Variants in FRA10AC1 observed in about 807,000 individuals in gnomAD.
FRA10AC1 encodes protein FRA10AC1.
Under a neutral mutation model 56.5 loss-of-function variants are expected in FRA10AC1, and 43 were observed. The ratio of observed to expected loss-of-function variants is 0.76; its 90% CI spans 0.60 to 0.98. FRA10AC1 has a LOEUF of 0.98. FRA10AC1 is among the 50% of genes least tolerant of loss of function. The pLI, the probability that FRA10AC1 is intolerant of heterozygous loss-of-function variation, is 0.00. For missense variants in FRA10AC1, 346 were observed against 351.8 expected, an observed-to-expected ratio of 0.98 and a Z score of 0.13; for synonymous variants, 112 against 110.5, an observed-to-expected ratio of 1.01 and a Z score of -0.09.
At chr10:93,671,996 AT>A in intron 12 of FRA10AC1, 1 of 428,054 alleles carries the variant, frequency 2.3e-6, no homozygotes, top group Non-Finnish European at 4.6e-6. Context: ...TCAACTAAAA[AT>A]TTAAAAATAC....
At chr10:93,693,505 TATACACCATATATATATATATAC>T (rs1282672100) in intron 5 of FRA10AC1, among the ~76,000 whole-genome samples, 1,133 of 43,510 alleles carry the variant, frequency 0.026, 96 homozygotes, top group South Asian at 0.033. Flanking sequence ...TATATATATA[TATACACCATATATATATATATAC>T]ACCATATATA....
intron 8 of FRA10AC1, 161 bp from the exon 9 acceptor site, chr10:93,685,520 T>G: frequency 2.2e-6 from 1 of 462,342 alleles, no homozygotes; most frequent in Non-Finnish European, 3.8e-6. Flanking sequence ...TGTATACAAG[T>G]ATCAAATCAA....
At chr10:93,671,655 T>G in intron 12 of FRA10AC1, 1 of 208,306 alleles carries the variant, frequency 4.8e-6, no homozygotes. Context: ...CATATCTGTA[T>G]GTACTGCAAT....
At chr10:93,695,089 C>A in intron 4 of FRA10AC1, 152 bp from the exon 5 acceptor site, 1 of 535,592 alleles carries the variant, frequency 1.9e-6, no homozygotes. Flanking sequence ...TTCAGAAAAT[C>A]TAGAAGGGTA....
At chr10:93,699,227 GTAAT>G (rs1257270114) in intron 2 of FRA10AC1, among the ~76,000 whole-genome samples, 1 of 152,294 alleles carries the variant, frequency 6.6e-6, no homozygotes, top group East Asian at 1.9e-4. Flanking sequence ...CATCAAAAAT[GTAAT>G]TTATTATAAT....
intron 12 of FRA10AC1, chr10:93,675,223 A>G (rs1362553050): frequency 1.3e-5 from 2 of 152,064 alleles, no homozygotes; most frequent in African/African-American, 2.4e-5. Flanking sequence ...TAACATTTCT[A>G]TTTTTCTCAG....
chr10:93,693,367 T>C (rs2059156361), intron 5 of FRA10AC1, among the ~76,000 whole-genome samples: 1 of 148,914 alleles, frequency 6.7e-6, no homozygotes, highest in Non-Finnish European at 1.5e-5. Context: ...CACATAAAAC[T>C]AAGAAGTTCT....
chr10:93,677,735 T>G (rs2058867947), intron 11 of FRA10AC1, among the ~76,000 whole-genome samples: 1 of 152,214 alleles, frequency 6.6e-6, no homozygotes. Context: ...TCTCTCAAAC[T>G]TTAGTGCATA....
chr10:93,675,029 A>T (rs1299649259), intron 12 of FRA10AC1: 1 of 152,180 alleles, frequency 6.6e-6, no homozygotes, highest in Non-Finnish European at 1.5e-5. Context: ...TAATTTAGGA[A>T]AGGACCTCCT....
chr10:93,698,275 A>C, intron 3 of FRA10AC1, 26 bp downstream of exon 3: 2 of 1,547,146 alleles, frequency 1.3e-6, no homozygotes, highest in Non-Finnish European at 1.8e-6. Context: ...AAACCAAGAA[A>C]TAGAATTGAC....
intron 12 of FRA10AC1, chr10:93,675,320 T>C (rs967472969): frequency 1.3e-5 from 2 of 152,210 alleles, no homozygotes; most frequent in African/African-American, 4.8e-5. Context: ...AGTTTTGAAA[T>C]TTAGAATAAT....
intron 4 of FRA10AC1, among the ~76,000 whole-genome samples, chr10:93,695,971 A>G (rs929803436): frequency 1.3e-5 from 2 of 152,252 alleles, no homozygotes; most frequent in African/African-American, 4.8e-5. Flanking sequence ...CAAAGACAAC[A>G]TATAAATGAA....
At chr10:93,678,689 C>G (rs1449144058) in intron 11 of FRA10AC1, among the ~76,000 whole-genome samples, 4 of 151,926 alleles carry the variant, frequency 2.6e-5, no homozygotes, top group African/African-American at 4.8e-5. Flanking sequence ...ACAAAATTAG[C>G]TGAGTATGGT....
At position 93,694,874 on chromosome 10, in the gene FRA10AC1, A is replaced by C. The variant is rs201459566; in HGVS notation, c.283T>G (p.Phe95Val). 1.3e-4 allele frequency: 202 copies of C among 1,586,706 alleles called. No individual in the cohort carries two copies. The highest frequency in any genetic ancestry group is 1.7e-4 in the Middle Eastern group (1 of 6,042). Residue 95 changes from phenylalanine (F) to valine (V), a missense_variant, in exon 5 of 14, where the codon TTC becomes GTC. Coordinates refer to ENST00000359204, the MANE Select transcript of FRA10AC1 (RefSeq NM_145246.5). ...CCTGATACTTACCCCAAACGCTTGA[A>C]GTCTTCTTTTTTGCCACCATAGTAT... The part of the protein sequence containing the change: ...ILYYGGKKED[F>V]KRLGENDKTD...
At chr10:93,676,866 C>T (rs528072882) in intron 11 of FRA10AC1, among the ~76,000 whole-genome samples, 175 bp from the exon 12 acceptor site, 5 of 152,146 alleles carry the variant, frequency 3.3e-5, no homozygotes, top group African/African-American at 9.6e-5. Flanking sequence ...TAAAATGTTA[C>T]GTTCTTTTAG....
At chr10:93,682,390 T>C (rs1214977030) in intron 10 of FRA10AC1, among the ~76,000 whole-genome samples, 1 of 152,230 alleles carries the variant, frequency 6.6e-6, no homozygotes, top group African/African-American at 2.4e-5. Context: ...GCATATTTTG[T>C]AAGAATCATT....
intron 7 of FRA10AC1, among the ~76,000 whole-genome samples, chr10:93,690,687 A>G (rs1463801406): frequency 6.6e-6 from 1 of 152,214 alleles, no homozygotes; most frequent in Non-Finnish European, 1.5e-5. Context: ...CTCCTTTGTT[A>G]CATGCTCCTA....
chr10:93,685,232 TA>T lies in FRA10AC1; in HGVS notation c.625+13del. On this transcript the variant is annotated intron_variant, in intron 9 of 13. Transcript: ENST00000359204. ...TTGGAAGAATCAATCATATACCCCC[TA>T]AAATCAACTTACTTAATTTAACAAG... is the stretch of plus-strand genomic sequence containing the variant. 1 of 1,188,214 alleles carries T rather than the reference TA, an allele frequency of 8.4e-7. No individual in the cohort carries two copies. Among genetic ancestry groups the T allele is most frequent in the Non-Finnish European group, 1.2e-6 (1 of 801,338 alleles). 73.6% of individuals were successfully genotyped at this position (1,188,214 alleles called of 1,614,324 possible).
intron 12 of FRA10AC1, chr10:93,674,846 A>G (rs1043004992): frequency 6.6e-6 from 1 of 152,224 alleles, no homozygotes; most frequent in Non-Finnish European, 1.5e-5. Flanking sequence ...TCTATATTGC[A>G]TAAGCATTCA....
Sources: gnomAD v4.1 joint callset for allele counts (sites outside exome capture counted in the v4.1 genomes callset) on GRCh38, gnomAD v4.1.1 for gene constraint, MANE v1.5 for transcripts, NCBI Gene and HGNC (gene_info 2026-07-23, HGNC 2026-07-21) for gene names.